CDC73: variants seen among roughly 807,000 people sequenced by gnomAD.
The protein encoded by CDC73 is parafibromin.
CDC73 carries 21 observed loss-of-function variants against 83.7 expected under a neutral mutation model. The ratio of observed to expected loss-of-function variants is 0.25; its 90% CI spans 0.18 to 0.36. The LOEUF (loss-of-function observed/expected upper bound fraction) is 0.36. Among genes scored for constraint, CDC73 ranks in the 10% least tolerant of loss-of-function variants. The probability of loss-of-function intolerance (pLI) is 1.00; values close to 1 mark genes in which losing one functional copy is unlikely to be tolerated. For synonymous variants in CDC73, 224 were observed against 212.9 expected (o/e 1.05, Z -0.45); for missense variants, 342 against 653.3 (o/e 0.52, Z 5.19).
chr1:193,134,908 C>G (rs1167976583), intron 3 of CDC73, among the ~76,000 whole-genome samples: 3 of 151,810 alleles, frequency 2.0e-5, no homozygotes, highest in African/African-American at 7.3e-5. Flanking sequence ...ACAGGTATAC[C>G]CCTTTTTGTT....
intron 2 of CDC73, chr1:193,128,247 C>G (rs1316815227): frequency 6.6e-6 from 1 of 152,146 alleles, no homozygotes; most frequent in Non-Finnish European, 1.5e-5. Context: ...AAAATTAACT[C>G]AAATCTTTTA....
At chr1:193,139,807 T>G (rs1023623674) in intron 6 of CDC73, among the ~76,000 whole-genome samples, 1 of 152,356 alleles carries the variant, frequency 6.6e-6, no homozygotes, top group East Asian at 1.9e-4. Flanking sequence ...CCCCACCCAC[T>G]GAGGGAAGAC....
chr1:193,130,128 T>G, intron 2 of CDC73, 46 bp from the exon 3 acceptor site: 1 of 841,234 alleles, frequency 1.2e-6, no homozygotes. Context: ...TTAAGTTGTG[T>G]ATCATTGTTA....
At chr1:193,169,651 G>C (rs1389141192) in intron 10 of CDC73, among the ~76,000 whole-genome samples, 2 of 152,194 alleles carry the variant, frequency 1.3e-5, no homozygotes, top group African/African-American at 4.8e-5. Context: ...TGAGATGCAA[G>C]AATATTAAAT....
chr1:193,202,629 T>TC (rs1677111769), intron 10 of CDC73, among the ~76,000 whole-genome samples: 1 of 151,362 alleles, frequency 6.6e-6, no homozygotes, highest in Non-Finnish European at 1.5e-5. Flanking sequence ...TTTTTTTTTT[T>TC]TTCCTTCTTG....
At chr1:193,187,739 A>G (rs1181817980) in intron 10 of CDC73, among the ~76,000 whole-genome samples, 1 of 152,122 alleles carries the variant, frequency 6.6e-6, no homozygotes, top group African/African-American at 2.4e-5. Context: ...ATTAAAAAAA[A>G]TTTTGTCCAC....
intron 13 of CDC73, among the ~76,000 whole-genome samples, chr1:193,222,761 T>TTA (rs1440614938): frequency 6.6e-6 from 1 of 151,398 alleles, no homozygotes; most frequent in Non-Finnish European, 1.5e-5. Flanking sequence ...ATAAGCTTTT[T>TTA]TTTTTTTTTT....
chr1:193,216,383 G>A (rs781070038), intron 13 of CDC73, among the ~76,000 whole-genome samples: 4 of 152,142 alleles, frequency 2.6e-5, no homozygotes, highest in Non-Finnish European at 4.4e-5. Flanking sequence ...TCTCAAGATT[G>A]ATTTAGGAAG....
chr1:193,224,888 C>G (rs984858325), intron 13 of CDC73, among the ~76,000 whole-genome samples: 1 of 151,266 alleles, frequency 6.6e-6, no homozygotes, highest in African/African-American at 2.4e-5. Context: ...TACCTTTTGT[C>G]TTTAAAAAAA....
chr1:193,220,988 A>G (rs1677459929), intron 13 of CDC73, among the ~76,000 whole-genome samples: 1 of 152,162 alleles, frequency 6.6e-6, no homozygotes, highest in Admixed American at 6.5e-5. Context: ...TATAATCTGA[A>G]ATACATGTAT....
intron 11 of CDC73, among the ~76,000 whole-genome samples, chr1:193,207,549 C>A (rs548189601): frequency 1.3e-5 from 2 of 152,072 alleles, no homozygotes; most frequent in African/African-American, 4.8e-5. Flanking sequence ...ATTCCTTCCC[C>A]GGGGTATTCC....
chr1:193,181,770 G>A (rs1303589624), intron 10 of CDC73: 1 of 450,248 alleles, frequency 2.2e-6, no homozygotes, highest in Non-Finnish European at 3.9e-6. Context: ...AATGTCTTAA[G>A]CTGTGAAAAT....
intron 10 of CDC73, among the ~76,000 whole-genome samples, chr1:193,158,008 A>T (rs552776970): frequency 2.4e-4 from 37 of 151,832 alleles, no homozygotes; most frequent in Admixed American, 1.2e-3. Context: ...TTGTATTATT[A>T]ATTTATGATT....
intron 7 of CDC73, among the ~76,000 whole-genome samples, chr1:193,146,971 T>C (rs1676011229): frequency 6.6e-6 from 1 of 152,090 alleles, no homozygotes; most frequent in Non-Finnish European, 1.5e-5. Flanking sequence ...AGAAGCCTCT[T>C]TTGACAAATG....
intron 12 of CDC73, 108 bp downstream of exon 12, chr1:193,212,208 C>A (rs1677291570): frequency 3.0e-6 from 3 of 987,242 alleles, no homozygotes; most frequent in Non-Finnish European, 4.7e-6. Flanking sequence ...TGCTTGGTAT[C>A]CATTCTGATT....
In CDC73 at chr1:193,253,451, C is replaced by T. The variant is rs1678076237; in HGVS notation, c.*2739C>T. 1 of 232,302 alleles carries T rather than the reference C, an allele frequency of 4.3e-6. No individual in the cohort carries two copies. Among genetic ancestry groups the T allele is most frequent in the Admixed American group, 5.6e-5 (1 of 17,730 alleles). The allele number at this position is 232,302 out of a possible 1,614,324, so 14.4% of individuals were successfully genotyped here. A position where few individuals can be genotyped will look rare whatever the true frequency, so the allele number is the denominator to read the frequency against. ...TTTGTGGCCACCCTTTGCACTAGAC[C>T]ATCCCTTTTATTGGTGGTATTGGCC... On this transcript the variant is annotated 3_prime_UTR_variant, in exon 17 of 17. Transcript: ENST00000367435.
chr1:193,173,730 G>A (rs934681802), intron 10 of CDC73, among the ~76,000 whole-genome samples: 1 of 151,910 alleles, frequency 6.6e-6, no homozygotes, highest in Non-Finnish European at 1.5e-5. Flanking sequence ...TATTTTTAAG[G>A]CATAAAAGAA....
At chr1:193,247,144 G>T (rs921366290) in intron 15 of CDC73, among the ~76,000 whole-genome samples, 15 of 152,100 alleles carry the variant, frequency 9.9e-5, no homozygotes, top group African/African-American at 3.4e-4. Flanking sequence ...TGGCAACCTT[G>T]TGTGTTGATA....
intron 8 of CDC73, among the ~76,000 whole-genome samples, chr1:193,148,602 A>G (rs1412243975): frequency 6.6e-6 from 1 of 151,564 alleles, no homozygotes; most frequent in Non-Finnish European, 1.5e-5. Context: ...ATTTTCTGCA[A>G]TAGAAAATAG....
Sources: gnomAD v4.1 joint callset for allele counts (sites outside exome capture counted in the v4.1 genomes callset) on GRCh38, gnomAD v4.1.1 for gene constraint, MANE v1.5 for transcripts, NCBI Gene and HGNC (gene_info 2026-07-23, HGNC 2026-07-21) for gene names.